Variants in S100A8 observed in about 807,000 individuals in gnomAD.
S100A8 encodes the protein S100 calcium binding protein A8.
Under a neutral mutation model 4.2 loss-of-function variants are expected in S100A8, and 1 was observed. The observed-to-expected ratio is 0.24, with a 90% CI of 0.08 to 1.12. S100A8 has a LOEUF of 1.12. S100A8 is among the 50% of genes most tolerant of loss of function. S100A8 has a pLI of 0.53. For synonymous variants in S100A8, 41 were observed against 44.7 expected (o/e 0.92, Z 0.33); for missense variants, 96 against 111.8 (o/e 0.86, Z 0.64).
the S100A8 span, among the ~76,000 whole-genome samples, chr1:153,412,449 T>C: frequency 6.6e-6 from 1 of 152,306 alleles, no homozygotes; most frequent in South Asian, 2.1e-4. Flanking sequence ...TCACACCAGT[T>C]AGAATGGCGA....
the S100A8 span, among the ~76,000 whole-genome samples, chr1:153,400,719 G>C: frequency 6.6e-6 from 1 of 152,066 alleles, no homozygotes; most frequent in Non-Finnish European, 1.5e-5. Flanking sequence ...TGCCAAGCTA[G>C]AGCTACAAAA....
intron 1 of S100A8, 36 bp downstream of exon 1, chr1:153,391,005 C>A: frequency 1.0e-6 from 1 of 989,912 alleles, no homozygotes; most frequent in Non-Finnish European, 1.2e-6. Context: ...CAAGAGAAGC[C>A]CAAAGTGCGG....
chr1:153,417,805 T>C, the S100A8 span: 102 of 366,950 alleles, frequency 2.8e-4, no homozygotes, highest in South Asian at 4.1e-4. Flanking sequence ...CTGCTTCTCC[T>C]TCTCTGAAGC....
chr1:153,422,569 T>G, the S100A8 span: 2 of 983,492 alleles, frequency 2.0e-6, no homozygotes, highest in Non-Finnish European at 2.4e-6. Context: ...CCCCAGAAAT[T>G]CTGATATCAA....
chr1:153,405,138 G>A, the S100A8 span, among the ~76,000 whole-genome samples: 7 of 151,706 alleles, frequency 4.6e-5, no homozygotes, highest in Non-Finnish European at 7.4e-5. Context: ...ACACGGCCCA[G>A]CCTCGTCTTA....
At chr1:153,406,672 C>T in the S100A8 span, among the ~76,000 whole-genome samples, 1 of 152,218 alleles carries the variant, frequency 6.6e-6, no homozygotes, top group Non-Finnish European at 1.5e-5. Flanking sequence ...GCTTCTACTT[C>T]AGGCTGGGGA....
upstream of S100A8, among the ~76,000 whole-genome samples, chr1:153,395,229 T>C (rs1425130153): frequency 6.6e-6 from 1 of 152,084 alleles, no homozygotes; most frequent in Non-Finnish European, 1.5e-5. Flanking sequence ...CAGGAAGCCT[T>C]CCTGGGTTGA....
At chr1:153,394,199 A>G (rs1014703096), upstream of S100A8, among the ~76,000 whole-genome samples, 1 of 152,226 alleles carries the variant, frequency 6.6e-6, no homozygotes, top group East Asian at 1.9e-4. Context: ...TGACAGGTCC[A>G]TCCCTGAGGC....
At chr1:153,419,589 T>G in the S100A8 span, 3 of 427,012 alleles carry the variant, frequency 7.0e-6, no homozygotes, top group South Asian at 1.4e-4. Context: ...TGCAGCCACC[T>G]TGGCAGGTTC....
At chr1:153,406,493 G>T in the S100A8 span, among the ~76,000 whole-genome samples, 1 of 152,114 alleles carries the variant, frequency 6.6e-6, no homozygotes, top group Non-Finnish European at 1.5e-5. Context: ...ATTGCTCAAA[G>T]CATGGTCCAC....
intron 2 of S100A8, 28 bp downstream of exon 2, chr1:153,390,367 G>T: frequency 6.2e-7 from 1 of 1,609,496 alleles, no homozygotes; most frequent in Non-Finnish European, 8.5e-7. Flanking sequence ...CAGGCAGAGA[G>T]CCCCCGCCAC....
At chr1:153,419,393 C>T in the S100A8 span, 10 of 1,424,422 alleles carry the variant, frequency 7.0e-6, no homozygotes, top group East Asian at 2.3e-5. Flanking sequence ...TTCTTCTTCT[C>T]TTTGGTGACC....
At chr1:153,396,020 G>C (rs1170309411), upstream of S100A8, among the ~76,000 whole-genome samples, 1 of 152,246 alleles carries the variant, frequency 6.6e-6, no homozygotes, top group Non-Finnish European at 1.5e-5. Context: ...GGGTGAGTGA[G>C]TGACCACAAG....
chr1:153,394,000 G>T (rs187100679), upstream of S100A8, among the ~76,000 whole-genome samples: 56 of 152,254 alleles, frequency 3.7e-4, no homozygotes, highest in Middle Eastern at 3.4e-3. Context: ...GACAGCCTTG[G>T]GTGCTTTGGG....
chr1:153,403,623 G>C, the S100A8 span, among the ~76,000 whole-genome samples: 1 of 151,788 alleles, frequency 6.6e-6, no homozygotes, highest in Non-Finnish European at 1.5e-5. Context: ...CCCTTTCCCA[G>C]CTGTTTTATG....
the S100A8 span, among the ~76,000 whole-genome samples, chr1:153,418,547 C>G: frequency 2.0e-5 from 3 of 152,098 alleles, no homozygotes; most frequent in Non-Finnish European, 4.4e-5. Flanking sequence ...GTCCTGCTTC[C>G]CAAAGGCCCC....
At chr1:153,401,712 C>A in the S100A8 span, among the ~76,000 whole-genome samples, 1 of 152,106 alleles carries the variant, frequency 6.6e-6, no homozygotes, top group African/African-American at 2.4e-5. Context: ...GTTTTAGACA[C>A]CTCAAGAATT....
the S100A8 span, among the ~76,000 whole-genome samples, chr1:153,403,926 C>T: frequency 6.6e-6 from 1 of 152,158 alleles, no homozygotes; most frequent in Admixed American, 6.5e-5. Flanking sequence ...AACACTGCCC[C>T]CACTGCAGAT....
chr1:153,390,699 C>T, intron 1 of S100A8, 142 bp from the exon 2 acceptor site: 1 of 1,042,564 alleles, frequency 9.6e-7, no homozygotes, highest in Non-Finnish European at 1.4e-6. Flanking sequence ...ATGGCTATGG[C>T]TCTGGTGGGA....
Sources: allele counts gnomAD v4.1 joint callset (sites outside exome capture counted in the v4.1 genomes callset), GRCh38; gene constraint gnomAD v4.1.1; transcripts MANE v1.5; gene names NCBI Gene and HGNC (gene_info 2026-07-23, HGNC 2026-07-21).